Variants in TPD52 observed in about 807,000 individuals in gnomAD.
TPD52 encodes prostate and colon associated protein.
A neutral mutation model predicts 31.3 loss-of-function variants in TPD52; 17 were observed. The observed-to-expected ratio is 0.54, with a 90% CI of 0.37 to 0.82. The LOEUF (loss-of-function observed/expected upper bound fraction) is 0.82. Ranked by LOEUF, TPD52 falls within the 40% of genes least tolerant of loss-of-function variation. TPD52 has a pLI of 0.00. For missense variants in TPD52, 212 were observed against 240.1 expected (o/e 0.88, Z 0.77); for synonymous variants, 83 against 89.6 (o/e 0.93, Z 0.42).
intron 1 of TPD52, among the ~76,000 whole-genome samples, chr8:80,132,300 T>C (rs1186594856): frequency 6.6e-6 from 1 of 152,140 alleles, no homozygotes; most frequent in Non-Finnish European, 1.5e-5. Flanking sequence ...ACCAACATAA[T>C]ACAAAGGCTG....
intron 1 of TPD52, among the ~76,000 whole-genome samples, chr8:80,150,686 G>A (rs779099714): frequency 2.6e-5 from 4 of 152,142 alleles, no homozygotes; most frequent in South Asian, 2.1e-4. Flanking sequence ...ACTGGATTTC[G>A]GACTTGCATG....
intron 1 of TPD52, among the ~76,000 whole-genome samples, chr8:80,154,994 G>GTT (rs1455151314): frequency 1.7e-5 from 2 of 118,040 alleles, no homozygotes; most frequent in African/African-American, 3.3e-5. Flanking sequence ...TGTGTTTTTG[G>GTT]TTTTTTGTTT....
intron 1 of TPD52, among the ~76,000 whole-genome samples, chr8:80,073,332 G>A (rs1991269): frequency 0.38 from 57,606 of 151,900 alleles, 11,717 homozygotes; most frequent in East Asian, 0.7. Flanking sequence ...ACTATTTTTC[G>A]TGTGTCTTTG....
chr8:80,092,776 T>G (rs941519337), intron 1 of TPD52, among the ~76,000 whole-genome samples: 14 of 146,054 alleles, frequency 9.6e-5, no homozygotes, highest in African/African-American at 3.5e-4. Context: ...TACCACAATT[T>G]AAAAAAAAAA....
At chr8:80,031,197 A>T (rs533366672), downstream of TPD52, among the ~76,000 whole-genome samples, 1 of 152,378 alleles carries the variant, frequency 6.6e-6, no homozygotes, top group Middle Eastern at 3.4e-3. Flanking sequence ...ATTTGCAAGT[A>T]CTTCGAGAGA....
At chr8:80,083,160 G>A (rs561020434) in intron 1 of TPD52, among the ~76,000 whole-genome samples, 1 of 149,848 alleles carries the variant, frequency 6.7e-6, no homozygotes, top group African/African-American at 2.5e-5. Flanking sequence ...GACCATTAAA[G>A]ACTTTAACAA....
At chr8:80,158,943 CAAAAAAAAAAAAAAAAAA>C (rs57625062) in intron 1 of TPD52, 1 of 76,354 alleles carries the variant, frequency 1.3e-5, no homozygotes, top group Non-Finnish European at 2.5e-5. Context: ...GACTCCGTCT[CAAAAAAAAAAAAAAAAAA>C]AAAAAAAAAA....
intron 1 of TPD52, among the ~76,000 whole-genome samples, chr8:80,161,813 T>G (rs1474512905): frequency 6.6e-6 from 1 of 150,482 alleles, no homozygotes. Flanking sequence ...CACTGCAACC[T>G]CCACCTCCTG....
At chr8:80,067,328 A>C (rs1813270321) in intron 1 of TPD52, 1 of 152,196 alleles carries the variant, frequency 6.6e-6, no homozygotes, top group African/African-American at 2.4e-5. Flanking sequence ...GTGGCAGCAA[A>C]TCATTATCAT....
chr8:80,077,010 C>T (rs1295873121), intron 1 of TPD52, among the ~76,000 whole-genome samples: 1 of 151,888 alleles, frequency 6.6e-6, no homozygotes, highest in Non-Finnish European at 1.5e-5. Flanking sequence ...GGCCCAGTGG[C>T]TCACGCCTGT....
At chr8:80,143,252 T>C (rs543664346) in intron 1 of TPD52, among the ~76,000 whole-genome samples, 1 of 152,284 alleles carries the variant, frequency 6.6e-6, no homozygotes, top group East Asian at 1.9e-4. Context: ...TTTTCCCCTC[T>C]CTGGAGCCAG....
intron 1 of TPD52, among the ~76,000 whole-genome samples, chr8:80,145,736 C>T (rs978846550): frequency 6.6e-6 from 1 of 152,112 alleles, no homozygotes; most frequent in African/African-American, 2.4e-5. Flanking sequence ...TTCTCTACAA[C>T]CTAGGGCAAC....
At chr8:80,043,450 T>C (rs898289174) in intron 6 of TPD52, among the ~76,000 whole-genome samples, 3 of 152,162 alleles carry the variant, frequency 2.0e-5, no homozygotes, top group Non-Finnish European at 4.4e-5. Context: ...AAGGGGTTTC[T>C]TCCTTCCCAC....
chr8:80,094,441 T>TATATATATAC (rs1816546884), intron 1 of TPD52, among the ~76,000 whole-genome samples: 1 of 33,372 alleles, frequency 3.0e-5, no homozygotes, highest in Admixed American at 2.5e-4. Context: ...TATATATATA[T>TATATATATAC]ATATATATAT....
intron 1 of TPD52, among the ~76,000 whole-genome samples, chr8:80,143,201 T>G (rs1809958756): frequency 9.0e-6 from 1 of 110,874 alleles, no homozygotes; most frequent in Non-Finnish European, 1.8e-5. Flanking sequence ...TAGGAGTTTG[T>G]ATATACCACC....
intron 1 of TPD52, among the ~76,000 whole-genome samples, chr8:80,076,424 C>G (rs1471568513): frequency 6.6e-6 from 1 of 152,036 alleles, no homozygotes; most frequent in Non-Finnish European, 1.5e-5. Context: ...AACAGGGCAC[C>G]TTGTCACTTA....
intron 1 of TPD52, among the ~76,000 whole-genome samples, chr8:80,071,724 CTA>C (rs1813810847): frequency 1.3e-5 from 2 of 152,286 alleles, no homozygotes; most frequent in South Asian, 4.1e-4. Context: ...TGAGCTGTCA[CTA>C]TGTGTTGCTT....
chr8:80,039,652 C>T (rs1458398345), intron 7 of TPD52, among the ~76,000 whole-genome samples: 2 of 152,094 alleles, frequency 1.3e-5, no homozygotes, highest in East Asian at 1.9e-4. Flanking sequence ...AATGGCTTCC[C>T]ATTGCCCCAA....
intron 1 of TPD52, among the ~76,000 whole-genome samples, chr8:80,126,929 G>GAA (rs567104155): frequency 4.9e-4 from 74 of 152,188 alleles, no homozygotes; most frequent in African/African-American, 1.7e-3. Flanking sequence ...GCAACATAGA[G>GAA]AAACCCTGTC....
Sources: gnomAD v4.1 joint callset for allele counts (sites outside exome capture counted in the v4.1 genomes callset) on GRCh38, gnomAD v4.1.1 for gene constraint, MANE v1.5 for transcripts, NCBI Gene and HGNC (gene_info 2026-07-23, HGNC 2026-07-21) for gene names.